Variants in CD163 observed in about 807,000 individuals in gnomAD.
The protein encoded by CD163 is CD163 molecule.
Under a neutral mutation model 129.2 loss-of-function variants are expected in CD163, and 64 were observed. That is an observed-to-expected ratio of 0.50 (90% CI 0.41 to 0.61). CD163 has a LOEUF of 0.61. Ranked by LOEUF, CD163 falls within the 20% of genes least tolerant of loss-of-function variation. The pLI, the probability that CD163 is intolerant of heterozygous loss-of-function variation, is 0.00. For synonymous variants in CD163, 446 were observed against 478.5 expected (o/e 0.93, Z 0.89); for missense variants, 1,061 against 1,377.9 (o/e 0.77, Z 3.64).
chr12:7,495,584 C>G (rs1290445618), intron 5 of CD163, among the ~76,000 whole-genome samples, 183 bp from the exon 6 acceptor site: 2 of 151,982 alleles, frequency 1.3e-5, no homozygotes, highest in African/African-American at 4.8e-5. Flanking sequence ...ACTGTAGTTT[C>G]AAGGGTTGAT....
In CD163 at chr12:7,486,977, G is replaced by T; in HGVS notation, c.2060C>A (p.Ser687Tyr). Residue 687 changes from serine (S) to tyrosine (Y), a missense_variant, in exon 9 of 17, where the codon TCC (serine) becomes TAC (tyrosine). Physicochemically the swap from Ser to Tyr is moderately radical, Grantham distance 144. Transcript: ENST00000432237. ...VASVICSGNQSQTLSSCNSSS... is the reference protein window; with the variant it reads ...VASVICSGNQYQTLSSCNSSS... Reference sequence around the variant, plus strand: ...TGAATTGCACGAGGACAGTGTTTGGGACTGGTTTCCTGCAAACACCAAGGT... The same window carrying T: ...TGAATTGCACGAGGACAGTGTTTGGTACTGGTTTCCTGCAAACACCAAGGT... 1 of 1,613,744 alleles carries T rather than the reference G, an allele frequency of 6.2e-7. No homozygotes were observed. Among genetic ancestry groups the T allele is most frequent in the African/African-American group, 1.3e-5 (1 of 75,040 alleles).
Position 7,496,689 on chromosome 12 carries a change from C to A in CD163, c.1099+124G>T, listed in dbSNP as rs1949406042. Reference sequence around the variant, plus strand: ...ATTACAGGTATAAAGGAATTCCCAGCAAGGAATTTACTAGGCATTTCTACT... The same window carrying A: ...ATTACAGGTATAAAGGAATTCCCAGAAAGGAATTTACTAGGCATTTCTACT... On this transcript the variant is annotated intron_variant, in intron 5 of 16. Transcript: ENST00000432237. The surrounding 1 kb of genome is among the most constrained non-coding windows in gnomAD (Gnocchi z 4.8). 1.3e-6 allele frequency: 1 copy of A among 757,038 alleles called. No individual in the cohort carries two copies. 46.9% of individuals were successfully genotyped at this position (757,038 alleles called of 1,614,324 possible).
chr12:7,489,295 A>G (rs1378093098), intron 6 of CD163, among the ~76,000 whole-genome samples: 1 of 152,170 alleles, frequency 6.6e-6, no homozygotes, highest in East Asian at 1.9e-4. Context: ...TCTGTCATGC[A>G]GACCTCTACA....
chr12:7,492,484 A>G (rs73045105), intron 6 of CD163, among the ~76,000 whole-genome samples: 3 of 152,282 alleles, frequency 2.0e-5, no homozygotes, highest in Non-Finnish European at 4.4e-5. Flanking sequence ...AGTCTTACAC[A>G]TGGTAAAATA....
In CD163 at chr12:7,485,089, T is replaced by G; in HGVS notation, c.2779+7A>C. 2 of 1,586,768 alleles carry G rather than the reference T, an allele frequency of 1.3e-6. No homozygotes were observed. Among genetic ancestry groups the G allele is most frequent in the Non-Finnish European group, 8.6e-7 (1 of 1,164,582 alleles). On this transcript the variant is annotated splice_region_variant and intron_variant, in intron 11 of 16. Coordinates refer to ENST00000432237, the MANE Select transcript of CD163 (RefSeq NM_203416.4). This position sits in a 1 kb window ranked among gnomAD's most constrained non-coding sequence, Gnocchi z 4.5. The stretch of plus-strand genomic sequence containing the variant: ...TGGAATTTTCATATAGGTCGATGGA[T>G]ACTCACTGTCACATGTGATCCAGGT...
At chr12:7,475,101 A>AC (rs1250659484) in intron 16 of CD163, among the ~76,000 whole-genome samples, 1 of 126,060 alleles carries the variant, frequency 7.9e-6, no homozygotes, top group Non-Finnish European at 1.7e-5. Context: ...ACCAACCAAA[A>AC]AAAAAAAAAA....
chr12:7,481,357 AT>A, intron 14 of CD163, 101 bp from the exon 15 acceptor site: 2 of 810,158 alleles, frequency 2.5e-6, no homozygotes, highest in Non-Finnish European at 4.2e-6. Flanking sequence ...CCTCGTCTTT[AT>A]CCCTGCTATT....
rs1442770965 is a variant in CD163 at position 7,496,351 on chromosome 12, G to C, written c.1099+462C>G. On this transcript the variant is annotated intron_variant, in intron 5 of 16. Transcript: ENST00000432237. This position sits in a 1 kb window ranked among gnomAD's most constrained non-coding sequence, Gnocchi z 4.8. ...AATGGGTGGGGGGAAAGGGGAGGGA[G>C]AGCATTAGGACAAATACCTAATGCA... Among the ~76,000 whole-genome samples the C allele has an allele frequency of 1.3e-5, 2 of 151,790 alleles. No homozygotes were observed. Among genetic ancestry groups the C allele is most frequent in the Admixed American group, 1.3e-4 (2 of 15,244 alleles).
chr12:7,480,194 T>C (rs1949143413), intron 15 of CD163: 2 of 459,344 alleles, frequency 4.4e-6, no homozygotes, highest in East Asian at 4.5e-5. Context: ...ATATGTTCCC[T>C]GACACAGTAG....
At chr12:7,477,777 T>G (rs1949107667) in intron 16 of CD163, among the ~76,000 whole-genome samples, 1 of 152,118 alleles carries the variant, frequency 6.6e-6, no homozygotes, top group Non-Finnish European at 1.5e-5. Flanking sequence ...AGAATCGTCA[T>G]TTTTTAAAAG....
At chr12:7,484,958 A>T in intron 11 of CD163, 138 bp downstream of exon 11, 1 of 762,862 alleles carries the variant, frequency 1.3e-6, no homozygotes, top group Admixed American at 2.4e-5. Context: ...TATTACCCAC[A>T]AGTTACCCAT....
chr12:7,503,633 A>G lies in CD163; in HGVS notation c.46+12T>C. The stretch of plus-strand genomic sequence containing the variant: ...TTAAAGGGGAAATGTAGAATAAATG[A>G]GAAGCTTTTACCAGCAGATCCAGAG... On this transcript the variant is annotated intron_variant, in intron 1 of 16. Transcript: ENST00000432237. The G allele has an allele frequency of 6.4e-7, 1 of 1,574,662 alleles. No homozygotes were observed. Among genetic ancestry groups the G allele is most frequent in the Non-Finnish European group, 8.7e-7 (1 of 1,148,388 alleles).
chr12:7,484,944 T>C (rs928503450), intron 11 of CD163, 152 bp downstream of exon 11: 8 of 688,700 alleles, frequency 1.2e-5, no homozygotes, highest in Non-Finnish European at 2.0e-5. Context: ...CCAGGTAGAA[T>C]AGATATTACC....
At chr12:7,481,356 T>C (rs1591995252) in intron 14 of CD163, 100 bp from the exon 15 acceptor site, 1 of 809,284 alleles carries the variant, frequency 1.2e-6, no homozygotes, top group East Asian at 2.5e-5. Flanking sequence ...ACCTCGTCTT[T>C]ATCCCTGCTA....
rs945007065 is a variant in CD163, at chr12:7,476,543, A to G, written c.*31+3317T>C. Among the ~76,000 whole-genome samples the G allele has an allele frequency of 1.6e-4, 25 of 152,266 alleles. 1 individual carries two copies. Among genetic ancestry groups the G allele is most frequent in the Admixed American group, 1.2e-3 (19 of 15,270 alleles). ...AAAATTGGCTAACCATATGCAGAAAACAGAAACTGGACCACTTCCTTACAC... is the reference window on the plus strand; with the variant it reads ...AAAATTGGCTAACCATATGCAGAAAGCAGAAACTGGACCACTTCCTTACAC... On this transcript the variant is annotated intron_variant, in intron 16 of 16. Coordinates refer to ENST00000432237, the MANE Select transcript of CD163 (RefSeq NM_203416.4).
At chr12:7,494,591 A>G (rs11054180) in intron 6 of CD163, among the ~76,000 whole-genome samples, 52,405 of 152,136 alleles carry the variant, frequency 0.34, 11,517 homozygotes, top group Non-Finnish European at 0.49. Flanking sequence ...CATTTGTATA[A>G]ATATAATTAG....
chr12:7,483,284 C>T (rs1565399864), intron 12 of CD163, 83 bp downstream of exon 12: 8 of 1,295,192 alleles, frequency 6.2e-6, no homozygotes, highest in Middle Eastern at 2.7e-4. Context: ...CTGATAAATC[C>T]GGTTTTTACA....
chr12:7,482,880 C>T, intron 13 of CD163, 86 bp downstream of exon 13: 6 of 1,586,610 alleles, frequency 3.8e-6, no homozygotes, highest in Non-Finnish European at 5.2e-6. Flanking sequence ...ATCAAATCCT[C>T]AGAACGTCTG....
At chr12:7,474,267 C>T (rs755688029) in intron 16 of CD163, among the ~76,000 whole-genome samples, 5 of 152,298 alleles carry the variant, frequency 3.3e-5, no homozygotes, top group Admixed American at 1.3e-4. Context: ...TCCAAATCAA[C>T]AGAATATACA....
Sources: allele counts gnomAD v4.1 joint callset (sites outside exome capture counted in the v4.1 genomes callset), GRCh38; gene constraint gnomAD v4.1.1; non-coding constraint Gnocchi (gnomAD v3.1); transcripts MANE v1.5; gene names NCBI Gene and HGNC (gene_info 2026-07-23, HGNC 2026-07-21).